Variants in GABRR3 observed in about 807,000 individuals in gnomAD.
GABRR3 encodes gamma-aminobutyric acid receptor subunit rho-3.
GABRR3 carries 29 observed loss-of-function variants against 43.2 expected under a neutral mutation model. The ratio of observed to expected loss-of-function variants is 0.67; its 90% CI spans 0.50 to 0.92. The LOEUF (loss-of-function observed/expected upper bound fraction) is 0.92, where lower values mean the gene tolerates loss of function less well. Ranked by LOEUF, GABRR3 falls within the 40% of genes least tolerant of loss-of-function variation. GABRR3 has a pLI of 0.00. For missense variants in GABRR3, 576 were observed against 572.3 expected (o/e 1.01, Z -0.07); for synonymous variants, 206 against 195.9 (o/e 1.05, Z -0.43).
intron 8 of GABRR3, chr3:98,000,700 T>A (rs1706626909): frequency 6.6e-6 from 1 of 152,144 alleles, no homozygotes; most frequent in South Asian, 2.1e-4. Context: ...TGTGTGATAA[T>A]TACAATAATT....
chr3:98,035,005 A>C lies in GABRR3; in HGVS notation c.-2-16T>G, dbSNP rs776331926. 8.1e-6 allele frequency: 13 copies of C among 1,608,820 alleles called. No homozygotes were observed. In the Admixed American group the frequency reaches 2.2e-4, roughly 27 times the overall value. The stretch of plus-strand genomic sequence containing the variant: ...AGGACCATCTCTTCCAAAACAAAAA[A>C]ACAGAAAGGATGCAGGTGAACGCAA... On this transcript the variant is annotated splice_polypyrimidine_tract_variant and intron_variant, in intron 1 of 9. Coordinates refer to ENST00000621172, the Ensembl canonical transcript of GABRR3.
intron 3 of GABRR3, among the ~76,000 whole-genome samples, chr3:98,018,711 A>G (rs1006505868): frequency 1.3e-5 from 2 of 152,170 alleles, no homozygotes; most frequent in Non-Finnish European, 2.9e-5. Flanking sequence ...TCTCGATTAA[A>G]CCTTATTGTC....
At chr3:97,998,683 A>T (rs151280708) in intron 8 of GABRR3, 4 of 152,206 alleles carry the variant, frequency 2.6e-5, no homozygotes, top group Non-Finnish European at 5.9e-5. Flanking sequence ...TTCAACCAAA[A>T]CCTATTGCAA....
At chr3:98,002,992 T>C (rs1706672316) in intron 7 of GABRR3, among the ~76,000 whole-genome samples, 1 of 152,186 alleles carries the variant, frequency 6.6e-6, no homozygotes, top group Non-Finnish European at 1.5e-5. Context: ...CTCAATGAAA[T>C]ACTCATTATC....
exon 8 of GABRR3, chr3:98,001,753 G>T (rs774839226): frequency 6.2e-7 from 1 of 1,612,934 alleles, no homozygotes; most frequent in African/African-American, 1.3e-5. Flanking sequence ...TTGATGAAAA[G>T]CCTATTGTAC....
At chr3:98,017,920 T>C (rs1706892262) in intron 3 of GABRR3, among the ~76,000 whole-genome samples, 198 bp from the exon 4 acceptor site, 1 of 152,060 alleles carries the variant, frequency 6.6e-6, no homozygotes. Context: ...TGTAAATAAA[T>C]GGTATTCTAA....
chr3:98,025,634 C>T lies in GABRR3; in HGVS notation c.171G>A (p.Arg57=), dbSNP rs755575740. 6 of 1,613,068 alleles carry T rather than the reference C, an allele frequency of 3.7e-6. No individual in the cohort carries two copies. In the East Asian group the frequency reaches 1.3e-4, roughly 36 times the overall value. ...GGAGAAGTTGCTCATATTTCTGAGG[C>T]CGCGCTTTGGTACTGTCATCTTTCT... The change falls in exon 3 of 10, where the codon CGG becomes CGA. Residue 57 remains arginine (R), a synonymous_variant. Transcript: ENST00000621172.
At chr3:98,004,772 A>T (rs2107234405) in intron 7 of GABRR3, among the ~76,000 whole-genome samples, 1 of 152,032 alleles carries the variant, frequency 6.6e-6, no homozygotes, top group East Asian at 1.9e-4. Context: ...TCAGATGTAT[A>T]GTTTTTCTAT....
At chr3:98,024,366 C>CAAAAA (rs35090836) in intron 3 of GABRR3, among the ~76,000 whole-genome samples, 495 of 40,938 alleles carry the variant, frequency 0.012, no homozygotes, top group Non-Finnish European at 0.016. Context: ...GACTCCGTCT[C>CAAAAA]AAAAAAAAAA....
chr3:97,997,287 C>T (rs921107924), intron 8 of GABRR3, among the ~76,000 whole-genome samples: 3 of 151,974 alleles, frequency 2.0e-5, no homozygotes, highest in Non-Finnish European at 2.9e-5. Flanking sequence ...ATCATAATGC[C>T]GAAGGACACA....
intron 9 of GABRR3, among the ~76,000 whole-genome samples, chr3:97,988,767 G>A (rs1706420420): frequency 6.6e-6 from 1 of 151,792 alleles, no homozygotes; most frequent in South Asian, 2.1e-4. Context: ...GGTAGATGGT[G>A]CTCATGATGG....
At chr3:97,987,867 C>A (rs1706407866) in intron 9 of GABRR3, among the ~76,000 whole-genome samples, 1 of 152,058 alleles carries the variant, frequency 6.6e-6, no homozygotes, top group South Asian at 2.1e-4. Flanking sequence ...GCCTTGACCT[C>A]CTGGGCTCAA....
At chr3:98,001,694 G>C (rs1559775580) in exon 8 of GABRR3, 1 of 1,613,192 alleles carries the variant, frequency 6.2e-7, no homozygotes, top group Admixed American at 1.7e-5. Context: ...ATATGGCTGG[G>C]AAATAGGTTT....
chr3:97,991,212 A>G (rs1331103595), intron 9 of GABRR3, among the ~76,000 whole-genome samples: 1 of 152,218 alleles, frequency 6.6e-6, no homozygotes, highest in Non-Finnish European at 1.5e-5. Flanking sequence ...AAAATAAAAC[A>G]TGAAGAAAAT....
intron 3 of GABRR3, among the ~76,000 whole-genome samples, chr3:98,023,305 T>C (rs746758998): frequency 2.1e-4 from 32 of 152,328 alleles, no homozygotes; most frequent in Non-Finnish European, 3.7e-4. Context: ...CGAGTTTAAC[T>C]GAGAAATCTA....
At chr3:98,015,303 C>G (rs1197367826) in intron 4 of GABRR3, among the ~76,000 whole-genome samples, 1 of 152,176 alleles carries the variant, frequency 6.6e-6, no homozygotes, top group Admixed American at 6.5e-5. Context: ...AGTTATTTTC[C>G]TGCCTCAACC....
At chr3:98,030,840 CT>C (rs1226904352) in intron 2 of GABRR3, among the ~76,000 whole-genome samples, 1 of 152,098 alleles carries the variant, frequency 6.6e-6, no homozygotes, top group African/African-American at 2.4e-5. Flanking sequence ...TTTTTGTAGG[CT>C]TATTATTTTT....
intron 9 of GABRR3, among the ~76,000 whole-genome samples, chr3:97,990,136 C>T (rs1055155740): frequency 2.0e-5 from 3 of 152,200 alleles, no homozygotes; most frequent in Admixed American, 1.3e-4. Context: ...GTGTTCTGGG[C>T]ACTACTCACA....
At chr3:97,986,212 T>C (rs1241625780), downstream of GABRR3, among the ~76,000 whole-genome samples, 1 of 152,206 alleles carries the variant, frequency 6.6e-6, no homozygotes, top group Non-Finnish European at 1.5e-5. Flanking sequence ...GAGAAGGAGA[T>C]TGGAGATCCT....
Sources: gnomAD v4.1 joint callset for allele counts (sites outside exome capture counted in the v4.1 genomes callset) on GRCh38, gnomAD v4.1.1 for gene constraint, MANE v1.5 for transcripts, NCBI Gene and HGNC (gene_info 2026-07-23, HGNC 2026-07-21) for gene names.